The following RTN4IP1 variants were observed in gnomAD, a reference collection of about 807,000 sequenced individuals.
RTN4IP1 encodes reticulon 4 interacting protein 1, also known as NAD(P)H oxidoreductase RTN4IP1, mitochondrial.
In RTN4IP1, 32 loss-of-function variants were observed where a neutral mutation model predicts 46.6. The ratio of observed to expected loss-of-function variants is 0.69; its 90% confidence interval spans 0.52 to 0.92. RTN4IP1 has a LOEUF of 0.92. Among genes scored for constraint, RTN4IP1 ranks in the 40% least tolerant of loss-of-function variants. RTN4IP1 has a pLI of 0.00. For synonymous variants in RTN4IP1, 167 were observed against 161.8 expected, an observed-to-expected ratio of 1.03 and a Z score of -0.24; for missense variants, 424 against 485.8, an observed-to-expected ratio of 0.87 and a Z score of 1.20.
intron 5 of RTN4IP1, among the ~76,000 whole-genome samples, chr6:106,597,432 C>A (rs1193879910): frequency 6.6e-6 from 1 of 152,118 alleles, no homozygotes; most frequent in African/African-American, 2.4e-5. Flanking sequence ...GCAGCCTCGA[C>A]CTCCTGGGCT....
chr6:106,596,451 G>T (rs1775795423), intron 5 of RTN4IP1, among the ~76,000 whole-genome samples: 1 of 152,134 alleles, frequency 6.6e-6, no homozygotes, highest in South Asian at 2.1e-4. Context: ...GGGCATGGTG[G>T]CATGTGCCTG....
chr6:106,586,625 C>T (rs1418924508), intron 7 of RTN4IP1, among the ~76,000 whole-genome samples: 1 of 152,152 alleles, frequency 6.6e-6, no homozygotes, highest in African/African-American at 2.4e-5. Flanking sequence ...CTCCCATCTC[C>T]ACCTCCCAAA....
Position 106,590,652 on chromosome 6 carries a change from T to A in RTN4IP1, c.806+1512A>T, listed in dbSNP as rs145528420. On this transcript the variant is annotated intron_variant, in intron 6 of 8. Transcript: ENST00000369063. ...ATCACTTGAAACCGGAAGGCAGAGG[T>A]TGCAGTGAGCCAAGATCGTGCCACT... Among the ~76,000 whole-genome samples, 136 of 135,070 alleles carry A rather than the reference T, an allele frequency of 1.0e-3. 2 individuals are homozygous for A. Among genetic ancestry groups the A allele is most frequent in the African/African-American group, 3.7e-3 (131 of 35,770 alleles). 88.6% of individuals were successfully genotyped at this position (135,070 alleles called of 152,430 possible).
At chr6:106,590,714 C>CAAAAAAAA (rs35293436) in intron 6 of RTN4IP1, among the ~76,000 whole-genome samples, 9 of 68,498 alleles carry the variant, frequency 1.3e-4, no homozygotes, top group South Asian at 9.6e-4. Flanking sequence ...GAATCCATCT[C>CAAAAAAAA]AAAAAAAAAA....
intron 4 of RTN4IP1, among the ~76,000 whole-genome samples, chr6:106,613,668 A>G (rs1056510755): frequency 1.3e-5 from 2 of 152,216 alleles, no homozygotes; most frequent in African/African-American, 2.4e-5. Flanking sequence ...AGGACATTCC[A>G]GAGTTCCCTG....
chr6:106,618,931 A>G (rs1776414508), intron 4 of RTN4IP1, among the ~76,000 whole-genome samples: 3 of 152,190 alleles, frequency 2.0e-5, no homozygotes, highest in Non-Finnish European at 4.4e-5. Flanking sequence ...AATATTTTGC[A>G]TTATTTTAGA....
intron 4 of RTN4IP1, among the ~76,000 whole-genome samples, chr6:106,604,856 C>T (rs1227138754): frequency 2.6e-5 from 4 of 152,130 alleles, no homozygotes; most frequent in Non-Finnish European, 4.4e-5. Context: ...TTCCATGCAC[C>T]TGCACCTTAT....
At chr6:106,601,299 T>C (rs1364768477) in intron 5 of RTN4IP1, among the ~76,000 whole-genome samples, 3 of 152,126 alleles carry the variant, frequency 2.0e-5, no homozygotes, top group East Asian at 3.9e-4. Context: ...GAGTTCTTTA[T>C]ATATTCTGGA....
intron 4 of RTN4IP1, among the ~76,000 whole-genome samples, chr6:106,606,024 CT>C (rs1035099501): frequency 1.3e-5 from 2 of 152,096 alleles, no homozygotes; most frequent in African/African-American, 4.8e-5. Context: ...AATTGTCCCT[CT>C]TTGCAGATGA....
Position 106,628,146 on chromosome 6 carries a change from A to T in RTN4IP1, c.274+602T>A, listed in dbSNP as rs145415246. ...TCCGAAGCCTGTGACGGATCTCAGA[A>T]TACCACAAAGTTCCCTGGACAGAAA... On this transcript the variant is annotated intron_variant, in intron 1 of 8. Coordinates refer to ENST00000369063, the MANE Select transcript of RTN4IP1 (RefSeq NM_032730.5). Among the ~76,000 whole-genome samples the T allele has an allele frequency of 3.3e-3, 508 of 151,960 alleles. 5 individuals carry two copies. Among genetic ancestry groups the T allele is most frequent in the African/African-American group, 0.011 (476 of 41,464 alleles).
At chr6:106,597,439 G>A (rs1489446181) in intron 5 of RTN4IP1, among the ~76,000 whole-genome samples, 5 of 151,970 alleles carry the variant, frequency 3.3e-5, no homozygotes, top group Non-Finnish European at 5.9e-5. Flanking sequence ...CGACCTCCTG[G>A]GCTCAAGTGA....
chr6:106,629,691 C>T (rs781233024), upstream of RTN4IP1: 191 of 1,605,984 alleles, frequency 1.2e-4, no homozygotes, highest in Middle Eastern at 1.6e-4. Flanking sequence ...CATGCTGGGC[C>T]GGAGCCTCCG....
At chr6:106,619,361 G>C (rs371475719) in intron 3 of RTN4IP1, 35 bp from the exon 4 acceptor site, 54 of 1,612,802 alleles carry the variant, frequency 3.3e-5, no homozygotes, top group Non-Finnish European at 4.4e-5. Context: ...AATAAGCAAT[G>C]ACTTGCAAAC....
chr6:106,610,112 A>G (rs1776188796), intron 4 of RTN4IP1, among the ~76,000 whole-genome samples: 1 of 151,642 alleles, frequency 6.6e-6, no homozygotes, highest in African/African-American at 2.4e-5. Context: ...CCCAGGCTGG[A>G]GTGCAATGGT....
chr6:106,599,817 T>C lies in RTN4IP1; in HGVS notation c.669+3057A>G, dbSNP rs979131598. The stretch of plus-strand genomic sequence containing the variant: ...CTATCTATAGGTTATAATCCTAAAA[T>C]AGGAATTCTTGTGCTGTCCTTTTTT... On this transcript the variant is annotated intron_variant, in intron 5 of 8. Coordinates refer to ENST00000369063, the MANE Select transcript of RTN4IP1 (RefSeq NM_032730.5). Among the ~76,000 whole-genome samples, 11 of 151,166 alleles carry C rather than the reference T, an allele frequency of 7.3e-5. No individual in the cohort carries two copies. The Admixed American group carries it at 7.3e-4, about 10-fold the overall frequency.
chr6:106,616,940 G>C (rs563043002), intron 4 of RTN4IP1, among the ~76,000 whole-genome samples: 1 of 152,178 alleles, frequency 6.6e-6, no homozygotes, highest in Non-Finnish European at 1.5e-5. Flanking sequence ...TAACCCCCAG[G>C]GTGATGGTAT....
chr6:106,581,547 C>T (rs1775371329), intron 8 of RTN4IP1, among the ~76,000 whole-genome samples: 2 of 152,212 alleles, frequency 1.3e-5, no homozygotes, highest in South Asian at 2.1e-4. Flanking sequence ...ACCAACTTCA[C>T]AGTCCCAGAA....
At chr6:106,617,054 T>C (rs6916724) in intron 4 of RTN4IP1, among the ~76,000 whole-genome samples, 2,905 of 152,268 alleles carry the variant, frequency 0.019, 75 homozygotes, top group African/African-American at 0.068. Flanking sequence ...CCTTCCAGAA[T>C]ATGAGGACAA....
intron 4 of RTN4IP1, among the ~76,000 whole-genome samples, chr6:106,608,789 A>T (rs1776149872): frequency 6.6e-6 from 1 of 152,232 alleles, no homozygotes; most frequent in South Asian, 2.1e-4. Flanking sequence ...GAGGGAAAAA[A>T]GTATGAAAAG....
Sources: gnomAD v4.1 joint callset for allele counts (sites outside exome capture counted in the v4.1 genomes callset) on GRCh38, gnomAD v4.1.1 for gene constraint, MANE v1.5 for transcripts, NCBI Gene and HGNC (gene_info 2026-07-23, HGNC 2026-07-21) for gene names.